NALCN: variants seen among roughly 807,000 people sequenced by gnomAD.
NALCN encodes the protein sodium leak channel NALCN.
A neutral mutation model predicts 225.3 loss-of-function variants in NALCN; 111 were observed. The observed-to-expected ratio is 0.49, with a 90% CI of 0.42 to 0.58. The LOEUF is 0.58. NALCN is among the 20% of genes least tolerant of loss of function. The probability of loss-of-function intolerance (pLI) is 0.00; values close to 1 mark genes in which losing one functional copy is unlikely to be tolerated. For synonymous variants in NALCN, 764 were observed against 769.0 expected (o/e 0.99, Z 0.11); for missense variants, 1,378 against 2,202.4 (o/e 0.63, Z 7.49).
At chr13:101,285,505 C>T (rs1405037939) in intron 9 of NALCN, among the ~76,000 whole-genome samples, 6 of 151,906 alleles carry the variant, frequency 3.9e-5, no homozygotes, top group Non-Finnish European at 8.8e-5. Flanking sequence ...AGGGTTTCAG[C>T]TTGTTGTCCA....
chr13:101,102,892 G>A (rs1051714273), intron 26 of NALCN, among the ~76,000 whole-genome samples: 12 of 152,144 alleles, frequency 7.9e-5, no homozygotes, highest in African/African-American at 2.9e-4. Flanking sequence ...CCCAGAGTAG[G>A]AATTAGAGTC....
intron 27 of NALCN, 113 bp downstream of exon 27, chr13:101,100,671 C>A: frequency 1.5e-6 from 1 of 686,168 alleles, no homozygotes; most frequent in Non-Finnish European, 2.1e-6. Context: ...ACCTTGACCT[C>A]CAGTTTCAAG....
At chr13:101,238,955 C>G (rs1329580745) in intron 11 of NALCN, among the ~76,000 whole-genome samples, 1 of 151,954 alleles carries the variant, frequency 6.6e-6, no homozygotes, top group East Asian at 1.9e-4. Flanking sequence ...AGCATCACTT[C>G]TCAAATCTAC....
chr13:101,337,693 G>T (rs929627465), intron 7 of NALCN, among the ~76,000 whole-genome samples: 4 of 152,190 alleles, frequency 2.6e-5, no homozygotes, highest in African/African-American at 9.7e-5. Flanking sequence ...CACTATGGCA[G>T]GTCACTCTTT....
At chr13:101,124,813 A>T in intron 17 of NALCN, 132 bp from the exon 18 acceptor site, 1 of 835,890 alleles carries the variant, frequency 1.2e-6, no homozygotes, top group Non-Finnish European at 1.9e-6. Context: ...CGTACAATTG[A>T]CAATTCTTGT....
intron 11 of NALCN, among the ~76,000 whole-genome samples, chr13:101,247,405 G>A (rs1332007733): frequency 6.6e-6 from 1 of 152,080 alleles, no homozygotes; most frequent in Non-Finnish European, 1.5e-5. Context: ...TAGGGTCCAG[G>A]GTCAAGGTTA....
chr13:101,395,780 T>A (rs1480857167), intron 2 of NALCN, among the ~76,000 whole-genome samples: 4 of 152,192 alleles, frequency 2.6e-5, no homozygotes, highest in Admixed American at 2.0e-4. Context: ...GCCATTACTT[T>A]TTTTTCATTT....
intron 26 of NALCN, among the ~76,000 whole-genome samples, chr13:101,101,281 C>CTTTTTTTTTTTTTTTTT (rs60948311): frequency 1.8e-5 from 2 of 112,370 alleles, no homozygotes; most frequent in African/African-American, 3.5e-5. Flanking sequence ...ATTTTTTTTT[C>CTTTTTTTTTTTTTTTTT]TTTTTTTTTT....
At chr13:101,096,414 G>A (rs111430655) in intron 27 of NALCN, among the ~76,000 whole-genome samples, 47 of 152,280 alleles carry the variant, frequency 3.1e-4, no homozygotes, top group African/African-American at 1.0e-3. Flanking sequence ...GTCCTGATAC[G>A]TGCTACAACA....
At chr13:101,142,450 A>G (rs1298988650) in intron 17 of NALCN, among the ~76,000 whole-genome samples, 1 of 151,608 alleles carries the variant, frequency 6.6e-6, no homozygotes, top group Non-Finnish European at 1.5e-5. Flanking sequence ...CCCTTATATT[A>G]TTTTTTTTAA....
At chr13:101,330,100 T>C (rs886265285) in intron 7 of NALCN, among the ~76,000 whole-genome samples, 44 of 151,302 alleles carry the variant, frequency 2.9e-4, no homozygotes, top group African/African-American at 1.1e-3. Flanking sequence ...TATATATATA[T>C]GGGCTTTAGG....
intron 7 of NALCN, among the ~76,000 whole-genome samples, chr13:101,330,787 A>G (rs1376249242): frequency 6.6e-6 from 1 of 152,096 alleles, no homozygotes; most frequent in Non-Finnish European, 1.5e-5. Context: ...TGCTGTTCTC[A>G]TGATGGTGAA....
chr13:101,391,876 C>T (rs1202022414), intron 3 of NALCN, among the ~76,000 whole-genome samples: 3 of 149,156 alleles, frequency 2.0e-5, no homozygotes, highest in South Asian at 2.1e-4. Flanking sequence ...CCCAGCTACT[C>T]GGGAGGCTAA....
At chr13:101,210,119 T>A (rs1333749) in intron 13 of NALCN, among the ~76,000 whole-genome samples, 37,749 of 152,034 alleles carry the variant, frequency 0.25, 4,880 homozygotes, top group East Asian at 0.37. Flanking sequence ...ATTGCACAAT[T>A]TAAGATTATA....
intron 3 of NALCN, among the ~76,000 whole-genome samples, chr13:101,394,017 G>C (rs1244088094): frequency 6.6e-6 from 1 of 152,096 alleles, no homozygotes; most frequent in Non-Finnish European, 1.5e-5. Flanking sequence ...TGGTATGGTG[G>C]TTATAAAAAG....
chr13:101,391,448 C>T (rs1266817498), intron 3 of NALCN, among the ~76,000 whole-genome samples: 3 of 151,812 alleles, frequency 2.0e-5, no homozygotes, highest in African/African-American at 7.3e-5. Flanking sequence ...TTTGGGAGGC[C>T]GAGGTGGGAG....
rs545620832 is a variant in NALCN, at chr13:101,304,772, T to TG, written c.800-12407_800-12406insC. 3.4e-3 allele frequency among the ~76,000 whole-genome samples: 511 copies of TG among 150,052 alleles called. 3 individuals carry two copies. Among genetic ancestry groups the TG allele is most frequent in the African/African-American group, 0.011 (459 of 40,756 alleles). ...TTTTTTCTTTTCTTTTTTTTTTTTT[T>TG]TTGAGACGGAATCTTGCTCTGTTGC... On this transcript the variant is annotated intron_variant, in intron 7 of 43. Coordinates refer to ENST00000251127, the MANE Select transcript of NALCN (RefSeq NM_052867.4).
Position 101,258,504 on chromosome 13 carries a change from G to A in NALCN, c.1205C>T (p.Ala402Val). 6.2e-7 allele frequency: 1 copy of A among 1,614,156 alleles called. No individual in the cohort carries two copies. Among genetic ancestry groups the A allele is most frequent in the Non-Finnish European group, 8.5e-7 (1 of 1,180,022 alleles). The change falls in exon 11 of 44, where the codon GCT (alanine) becomes GTT (valine). Residue 402 changes from alanine (A) to valine (V), a missense_variant. Coordinates refer to ENST00000251127, the MANE Select transcript of NALCN (RefSeq NM_052867.4). ...GTTTTCTCCTTTGTAGTAGTTGCTA[G>A]CCGCCACGATCACGTCCACGGTCAC... is the stretch of plus-strand genomic sequence containing the variant. Reference protein sequence around the residue: ...SMVTVDVIVAASNYYKGENFR... With the variant: ...SMVTVDVIVAVSNYYKGENFR...
chr13:101,262,649 A>G (rs922142856), intron 10 of NALCN, among the ~76,000 whole-genome samples: 1 of 152,180 alleles, frequency 6.6e-6, no homozygotes. Flanking sequence ...TCTTAAGCAA[A>G]CTGTTATTAC....
Sources: allele counts gnomAD v4.1 joint callset (sites outside exome capture counted in the v4.1 genomes callset), GRCh38; gene constraint gnomAD v4.1.1; transcripts MANE v1.5; gene names NCBI Gene and HGNC (gene_info 2026-07-23, HGNC 2026-07-21).